Variants in GRAMD4 observed in about 807,000 individuals in gnomAD.
GRAMD4 encodes the protein GRAM domain-containing protein 4.
GRAMD4 carries 25 observed loss-of-function variants against 83.9 expected under a neutral mutation model. That is an observed-to-expected ratio of 0.30 (90% CI 0.22 to 0.42). The LOEUF (loss-of-function observed/expected upper bound fraction) is 0.42, where lower values mean the gene tolerates loss of function less well. Ranked by LOEUF, GRAMD4 falls within the 10% of genes least tolerant of loss-of-function variation. The pLI is 1.00. For missense variants in GRAMD4, 593 were observed against 788.7 expected, an observed-to-expected ratio of 0.75 and a Z score of 2.97; for synonymous variants, 336 against 320.9, an observed-to-expected ratio of 1.05 and a Z score of -0.50.
At chr22:46,671,065 T>A (rs1228444013) in intron 13 of GRAMD4, 1 of 466,474 alleles carries the variant, frequency 2.1e-6, no homozygotes, top group Non-Finnish European at 4.5e-6. Flanking sequence ...ACAAGGGACC[T>A]CAGCTTAGAG....
At chr22:46,629,329 A>C (rs1303312758) in intron 2 of GRAMD4, among the ~76,000 whole-genome samples, 1 of 152,172 alleles carries the variant, frequency 6.6e-6, no homozygotes, top group Non-Finnish European at 1.5e-5. Flanking sequence ...TGAGATAATA[A>C]GTGAAACGTA....
chr22:46,677,678 A>G lies in GRAMD4; in HGVS notation c.*427A>G, dbSNP rs2082619351. 1 of 992,050 alleles carries G rather than the reference A, an allele frequency of 1.0e-6. No individual in the cohort carries two copies. The highest frequency in any genetic ancestry group is 1.2e-6 in the Non-Finnish European group (1 of 833,744). 61.5% of individuals were successfully genotyped at this position (992,050 alleles called of 1,614,324 possible). A position where few individuals can be genotyped will look rare whatever the true frequency, so the allele number is the denominator to read the frequency against. ...CGTCCACCACCAAAGCCATAGCTGAAGAGTGCGGGGCCCTTCCTCCTGGGG... is the reference window on the plus strand; with the variant it reads ...CGTCCACCACCAAAGCCATAGCTGAGGAGTGCGGGGCCCTTCCTCCTGGGG... On this transcript the variant is annotated 3_prime_UTR_variant, in exon 19 of 19. Transcript: ENST00000406902.
intron 2 of GRAMD4, 120 bp from the exon 3 acceptor site, chr22:46,637,720 G>A: frequency 1.0e-6 from 1 of 991,506 alleles, no homozygotes. Context: ...GCAGCTGCTG[G>A]TCCCTTTCAC....
At chr22:46,679,793 G>A, downstream of GRAMD4, 1 of 984,590 alleles carries the variant, frequency 1.0e-6, no homozygotes, top group Non-Finnish European at 1.2e-6. Context: ...TAAGGCTCAG[G>A]GCTGTCTGCC....
At position 46,626,607 on chromosome 22, in the gene GRAMD4, T is replaced by A. The variant is rs1157708168; in HGVS notation, c.-49-144T>A. The stretch of plus-strand genomic sequence containing the variant: ...AGCTGGCTCGTGGGGCTTGGAGGTG[T>A]GTGTGGGAGGGACGGTGGCAGGGCG... On this transcript the variant is annotated intron_variant, in intron 1 of 18. Coordinates refer to ENST00000406902, the MANE Select transcript of GRAMD4 (RefSeq NM_015124.5). 1.4e-4 allele frequency: 59 copies of A among 418,916 alleles called. No homozygotes were observed. The South Asian group carries it at 1.8e-3, about 13-fold the overall frequency. The allele number at this position is 418,916 out of a possible 1,614,324, so 25.9% of individuals were successfully genotyped here. A position where few individuals can be genotyped will look rare whatever the true frequency, so the allele number is the denominator to read the frequency against.
At chr22:46,643,105 A>G in intron 3 of GRAMD4, among the ~76,000 whole-genome samples, 2 of 151,492 alleles carry the variant, frequency 1.3e-5, no homozygotes, top group Non-Finnish European at 1.5e-5. Context: ...CCATCCATCC[A>G]TCCATCCATC....
At chr22:46,644,717 T>G (rs866751383) in intron 3 of GRAMD4, among the ~76,000 whole-genome samples, 48 of 92,132 alleles carry the variant, frequency 5.2e-4, no homozygotes, top group African/African-American at 1.3e-3. Flanking sequence ...TTTTTTTTTT[T>G]TTTTTTTTTT....
rs1180487187 is a variant in GRAMD4, at chr22:46,672,219, G to A, written c.1085-624G>A. The stretch of plus-strand genomic sequence containing the variant: ...GGGCGCAGTCAGGCCTGGCTCTTCT[G>A]AGGTCGTGTTTAGTAGGGGGACTGA... On this transcript the variant is annotated intron_variant, in intron 13 of 18. Coordinates refer to ENST00000406902, the MANE Select transcript of GRAMD4 (RefSeq NM_015124.5). The surrounding 1 kb of genome is among the most constrained non-coding windows in gnomAD (Gnocchi z 4.7). 1.3e-5 allele frequency among the ~76,000 whole-genome samples: 2 copies of A among 152,248 alleles called. No individual in the cohort carries two copies. The highest frequency in any genetic ancestry group is 2.9e-5 in the Non-Finnish European group (2 of 68,052).
chr22:46,679,357 C>A lies in GRAMD4; in HGVS notation c.*2106C>A. ...ACGTGCCAGGTGTGGCCGAAGCCCC[C>A]AGGGAGGGCCACATTCGGGGAGCGG... On this transcript the variant is annotated 3_prime_UTR_variant, in exon 19 of 19. Coordinates refer to ENST00000406902, the MANE Select transcript of GRAMD4 (RefSeq NM_015124.5). 1 of 985,388 alleles carries A rather than the reference C, an allele frequency of 1.0e-6. No individual in the cohort carries two copies. The highest frequency in any genetic ancestry group is 1.2e-6 in the Non-Finnish European group (1 of 829,896). The allele number at this position is 985,388 out of a possible 1,614,324, so 61.0% of individuals were successfully genotyped here. A position where few individuals can be genotyped will look rare whatever the true frequency, so the allele number is the denominator to read the frequency against.
rs536469822 is a variant in GRAMD4, at chr22:46,672,628, C to T, written c.1085-215C>T. 7.9e-5 allele frequency among the ~76,000 whole-genome samples: 12 copies of T among 151,690 alleles called. No individual in the cohort carries two copies. In the East Asian group the frequency reaches 2.0e-3, roughly 25 times the overall value. On this transcript the variant is annotated intron_variant, in intron 13 of 18. Transcript: ENST00000406902. This position sits in a 1 kb window ranked among gnomAD's most constrained non-coding sequence, Gnocchi z 4.7. ...GGTGGGGCGCTGGCAGTGGGGCCCT[C>T]GCCTGGGGTTGAGACTGTGCAGCAC...
intron 16 of GRAMD4, 50 bp from the exon 17 acceptor site, chr22:46,675,418 C>A: frequency 1.6e-6 from 2 of 1,284,678 alleles, no homozygotes; most frequent in Non-Finnish European, 1.1e-6. Context: ...CTGGTGGGAG[C>A]GTGCTCTGGT....
At chr22:46,658,041 C>A (rs2082269715) in intron 3 of GRAMD4, 146 bp from the exon 4 acceptor site, 1 of 960,114 alleles carries the variant, frequency 1.0e-6, no homozygotes. Context: ...GCGCCCCGCA[C>A]CCTGGAGGAA....
intron 14 of GRAMD4, 123 bp downstream of exon 14, chr22:46,673,120 C>A: frequency 1.3e-6 from 1 of 795,998 alleles, no homozygotes; most frequent in Non-Finnish European, 1.9e-6. Context: ...ATTTTATAGA[C>A]TCCTTAAACT....
intron 1 of GRAMD4, among the ~76,000 whole-genome samples, chr22:46,580,721 T>A (rs2081089348): frequency 6.6e-6 from 1 of 152,124 alleles, no homozygotes; most frequent in African/African-American, 2.4e-5. Flanking sequence ...TCCCAACACT[T>A]TGGGAGGCCG....
chr22:46,667,961 A>G (rs1377624783), intron 10 of GRAMD4, 135 bp from the exon 11 acceptor site: 2 of 649,738 alleles, frequency 3.1e-6, no homozygotes, highest in Non-Finnish European at 5.5e-6. Flanking sequence ...CAGGTCCCCA[A>G]GGGATGTCCC....
At chr22:46,649,707 A>G (rs1365614926) in intron 3 of GRAMD4, among the ~76,000 whole-genome samples, 3 of 152,278 alleles carry the variant, frequency 2.0e-5, no homozygotes, top group African/African-American at 7.2e-5. Flanking sequence ...TTGATCGTTC[A>G]GTAAACATTA....
Position 46,659,101 on chromosome 22 carries a change from C to T in GRAMD4, c.404+794C>T, listed in dbSNP as rs1046652366. 1.3e-5 allele frequency among the ~76,000 whole-genome samples: 2 copies of T among 152,136 alleles called. No individual in the cohort carries two copies. The highest frequency in any genetic ancestry group is 2.9e-5 in the Non-Finnish European group (2 of 68,022). ...CAAACTGGTGCCTGGTACATGAGGC[C>T]AGGGAGCTCAGGCCACTCACCTCTG... is the stretch of plus-strand genomic sequence containing the variant. On this transcript the variant is annotated intron_variant, in intron 4 of 18. Transcript: ENST00000406902. The surrounding 1 kb of genome is among the most constrained non-coding windows in gnomAD (Gnocchi z 4.1).
intron 1 of GRAMD4, among the ~76,000 whole-genome samples, chr22:46,611,480 C>G (rs562358688): frequency 1.3e-5 from 2 of 152,054 alleles, no homozygotes; most frequent in African/African-American, 4.8e-5. Context: ...CCTGCCTTCC[C>G]GAACCTCAGT....
At chr22:46,620,002 C>T (rs2081550998), upstream of GRAMD4, among the ~76,000 whole-genome samples, 1 of 152,110 alleles carries the variant, frequency 6.6e-6, no homozygotes, top group Non-Finnish European at 1.5e-5. The surrounding 1 kb of genome is among the most constrained non-coding windows in gnomAD (Gnocchi z 4.7). Context: ...GCAGCCGGGC[C>T]CTGATGTGGA....
Sources: gnomAD v4.1 joint callset for allele counts (sites outside exome capture counted in the v4.1 genomes callset) on GRCh38, gnomAD v4.1.1 for gene constraint, Gnocchi (gnomAD v3.1) non-coding constraint, MANE v1.5 for transcripts, NCBI Gene and HGNC (gene_info 2026-07-23, HGNC 2026-07-21) for gene names.